EYS: variants seen among roughly 807,000 people sequenced by gnomAD.
EYS encodes the protein EGF-like photoreceptor maintenance factor.
A neutral mutation model predicts 282.1 loss-of-function variants in EYS; 250 were observed. The observed-to-expected ratio is 0.89, with a 90% CI of 0.80 to 0.98. The LOEUF (loss-of-function observed/expected upper bound fraction) is 0.98. Ranked by LOEUF, EYS falls within the 50% of genes least tolerant of loss-of-function variation. EYS has a pLI of 0.00. For synonymous variants in EYS, 1,355 were observed against 1,282.9 expected (o/e 1.06, Z -1.20); for missense variants, 4,016 against 3,709.0 (o/e 1.08, Z -2.15).
chr6:64,892,732 C>T (rs1004589248), intron 18 of EYS, among the ~76,000 whole-genome samples: 2 of 151,870 alleles, frequency 1.3e-5, no homozygotes, highest in Non-Finnish European at 2.9e-5. Context: ...ATTATAATTG[C>T]ATGTGGGTGT....
chr6:65,284,195 T>TG (rs1176447763), intron 12 of EYS, among the ~76,000 whole-genome samples: 1 of 152,156 alleles, frequency 6.6e-6, no homozygotes, highest in Non-Finnish European at 1.5e-5. Context: ...CCACAAACTT[T>TG]GGGGAAGCTA....
intron 7 of EYS, among the ~76,000 whole-genome samples, chr6:65,399,407 T>A (rs957453397): frequency 3.3e-5 from 5 of 151,960 alleles, no homozygotes; most frequent in African/African-American, 4.8e-5. Context: ...ACAAATTATA[T>A]AATGAATCAA....
At chr6:64,888,556 A>G (rs1470811007) in intron 18 of EYS, among the ~76,000 whole-genome samples, 1 of 151,986 alleles carries the variant, frequency 6.6e-6, no homozygotes, top group Admixed American at 6.6e-5. Context: ...GTGCAATGGG[A>G]TACTGGGTGA....
chr6:65,638,764 C>A (rs1208485787), intron 2 of EYS, among the ~76,000 whole-genome samples: 1 of 152,204 alleles, frequency 6.6e-6, no homozygotes. Flanking sequence ...CCTGGCTTAC[C>A]CTTGGCCGGC....
intron 2 of EYS, among the ~76,000 whole-genome samples, chr6:65,607,596 T>C (rs1765843633): frequency 6.6e-6 from 1 of 151,802 alleles, no homozygotes; most frequent in Admixed American, 6.6e-5. Flanking sequence ...AAGAAGTATG[T>C]TTAATCAAAC....
intron 5 of EYS, among the ~76,000 whole-genome samples, chr6:65,462,323 G>T (rs920600325): frequency 7.2e-5 from 11 of 152,000 alleles, no homozygotes; most frequent in African/African-American, 2.7e-4. Flanking sequence ...GAGTGTGGCT[G>T]CACAGGGATA....
At chr6:63,952,261 C>T (rs576364933) in intron 35 of EYS, among the ~76,000 whole-genome samples, 2 of 152,346 alleles carry the variant, frequency 1.3e-5, no homozygotes, top group African/African-American at 4.8e-5. Context: ...TGTGTGGGAT[C>T]TCACTGGAAA....
intron 12 of EYS, among the ~76,000 whole-genome samples, chr6:65,253,866 CT>C (rs1363333505): frequency 8.6e-5 from 13 of 151,640 alleles, no homozygotes; most frequent in Admixed American, 8.6e-4. Flanking sequence ...AATATCCTAT[CT>C]TTTTCTGATT....
At chr6:65,484,203 T>C (rs1170286145) in intron 5 of EYS, among the ~76,000 whole-genome samples, 2 of 152,136 alleles carry the variant, frequency 1.3e-5, no homozygotes, top group Admixed American at 1.3e-4. Context: ...TTGCTCAAGA[T>C]AGCACCAGTT....
intron 12 of EYS, among the ~76,000 whole-genome samples, chr6:65,129,703 A>G (rs1241148519): frequency 3.9e-5 from 6 of 151,960 alleles, no homozygotes; most frequent in Non-Finnish European, 7.4e-5. Context: ...AAACACTTAT[A>G]CATAGTTGGT....
intron 22 of EYS, among the ~76,000 whole-genome samples, chr6:64,801,828 T>C (rs1036858491): frequency 5.3e-5 from 8 of 151,954 alleles, no homozygotes; most frequent in African/African-American, 1.9e-4. Flanking sequence ...GTGGACATGG[T>C]AGAAAGAAAT....
intron 22 of EYS, among the ~76,000 whole-genome samples, chr6:64,786,352 A>G (rs890480831): frequency 3.9e-5 from 6 of 152,056 alleles, no homozygotes; most frequent in Admixed American, 6.6e-5. Context: ...CCAGGTGTAT[A>G]TATAGACGTT....
At chr6:65,442,209 T>C (rs1387061076) in intron 5 of EYS, among the ~76,000 whole-genome samples, 2 of 152,052 alleles carry the variant, frequency 1.3e-5, no homozygotes, top group African/African-American at 4.8e-5. Context: ...CATTTCTTAG[T>C]GACTCCTGAA....
At chr6:64,760,562 A>G (rs1274338258) in intron 22 of EYS, among the ~76,000 whole-genome samples, 1 of 152,188 alleles carries the variant, frequency 6.6e-6, no homozygotes, top group African/African-American at 2.4e-5. Context: ...ATGAGAAATG[A>G]CATGAGCCAA....
intron 14 of EYS, among the ~76,000 whole-genome samples, chr6:64,951,455 A>G (rs1453186973): frequency 6.6e-6 from 1 of 152,004 alleles, no homozygotes; most frequent in African/African-American, 2.4e-5. Context: ...GAGCTTTTCA[A>G]AGTTTGAAAC....
chr6:64,437,230 T>C (rs748709987), intron 27 of EYS, among the ~76,000 whole-genome samples: 17 of 151,634 alleles, frequency 1.1e-4, no homozygotes, highest in Admixed American at 4.6e-4. Context: ...TGAAAATATT[T>C]TATGAAATAA....
At chr6:64,003,445 G>A (rs716618) in intron 33 of EYS, among the ~76,000 whole-genome samples, 62,792 of 151,984 alleles carry the variant, frequency 0.41, 14,173 homozygotes, top group African/African-American at 0.61. Context: ...TAAATAATAT[G>A]ATTGGATTAA....
intron 6 of EYS, among the ~76,000 whole-genome samples, chr6:65,403,339 T>G (rs1766589840): frequency 6.6e-6 from 1 of 151,988 alleles, no homozygotes; most frequent in Non-Finnish European, 1.5e-5. Flanking sequence ...AAATACAACC[T>G]AATCATCATA....
At chr6:65,398,737 A>G (rs904747407) in intron 7 of EYS, among the ~76,000 whole-genome samples, 4 of 152,066 alleles carry the variant, frequency 2.6e-5, no homozygotes, top group Admixed American at 6.6e-5. Context: ...TAAAATGGAA[A>G]CATACTTGAT....
Sources: gnomAD v4.1 joint callset for allele counts (sites outside exome capture counted in the v4.1 genomes callset) on GRCh38, gnomAD v4.1.1 for gene constraint, MANE v1.5 for transcripts, NCBI Gene and HGNC (gene_info 2026-07-23, HGNC 2026-07-21) for gene names.